RAPGEF5: variants seen among roughly 807,000 people sequenced by gnomAD.
RAPGEF5 encodes the protein M-Ras-regulated GEF.
Under a neutral mutation model 125.2 loss-of-function variants are expected in RAPGEF5, and 65 were observed. The observed-to-expected ratio is 0.52, with a 90% CI of 0.43 to 0.64. The LOEUF (loss-of-function observed/expected upper bound fraction) is 0.64. Ranked by LOEUF, RAPGEF5 falls within the 30% of genes least tolerant of loss-of-function variation. The pLI is 0.00. For synonymous variants in RAPGEF5, 391 were observed against 385.9 expected (o/e 1.01, Z -0.16); for missense variants, 958 against 1,048.1 (o/e 0.91, Z 1.19).
chr7:22,295,580 A>C (rs1265493057), intron 5 of RAPGEF5, among the ~76,000 whole-genome samples: 1 of 152,184 alleles, frequency 6.6e-6, no homozygotes, highest in African/African-American at 2.4e-5. Flanking sequence ...AAACAATGGA[A>C]ATTTTGAAGG....
intron 1 of RAPGEF5, among the ~76,000 whole-genome samples, chr7:22,337,615 T>C (rs557048244): frequency 5.6e-4 from 85 of 152,226 alleles, no homozygotes; most frequent in Non-Finnish European, 1.0e-3. Context: ...CAAAGTTAGC[T>C]TGGCCCACGG....
At chr7:22,290,531 G>A (rs1362374315) in intron 6 of RAPGEF5, among the ~76,000 whole-genome samples, 1 of 151,996 alleles carries the variant, frequency 6.6e-6, no homozygotes, top group Non-Finnish European at 1.5e-5. Context: ...GGATCACAAG[G>A]TCAGGAGATC....
chr7:22,225,413 A>C (rs1785895624), intron 8 of RAPGEF5, among the ~76,000 whole-genome samples: 1 of 152,186 alleles, frequency 6.6e-6, no homozygotes, highest in Admixed American at 6.6e-5. Context: ...AAGGTAATCA[A>C]TTCTATAGCA....
intron 11 of RAPGEF5, among the ~76,000 whole-genome samples, chr7:22,188,746 C>T (rs1477087736): frequency 7.4e-6 from 1 of 134,608 alleles, no homozygotes; most frequent in Non-Finnish European, 1.5e-5. Context: ...AGCCTGGTGA[C>T]AGAGTGAGAC....
chr7:22,167,112 A>G lies in RAPGEF5; in HGVS notation c.1241T>C (p.Val414Ala), dbSNP rs1423690373. Residue 414 changes from valine (V) to alanine (A), a missense_variant, in exon 12 of 26, where the codon GTC becomes GCC. Physicochemically the swap from Val to Ala is moderately conservative, Grantham distance 64 (BLOSUM62 0). Transcript: ENST00000665637. ...GCACAAGTCATCAGTTGTCATGAAG[A>G]CAGTGTACGTGAGAAGGAAGTCATC... ...LLDDFLLTYT[V>A]FMTTDDLCQA... is the part of the protein sequence containing the mutation. The G allele has an allele frequency of 6.2e-7, 1 of 1,613,370 alleles. No homozygotes were observed. The highest frequency in any genetic ancestry group is 1.3e-5 in the African/African-American group (1 of 75,018).
intron 7 of RAPGEF5, among the ~76,000 whole-genome samples, chr7:22,253,002 T>C (rs140329430): frequency 7.7e-4 from 117 of 152,138 alleles, no homozygotes; most frequent in Middle Eastern, 3.4e-3. Flanking sequence ...TGATCACTGC[T>C]CAACAAGAAC....
chr7:22,244,257 C>T (rs146604744), intron 7 of RAPGEF5, among the ~76,000 whole-genome samples: 94 of 152,094 alleles, frequency 6.2e-4, no homozygotes, highest in South Asian at 1.5e-3. Context: ...TGTTGATGGA[C>T]ACTTCCGTTG....
intron 5 of RAPGEF5, among the ~76,000 whole-genome samples, chr7:22,292,589 C>T (rs920371991): frequency 7.2e-5 from 11 of 152,210 alleles, no homozygotes; most frequent in African/African-American, 2.7e-4. Flanking sequence ...TTAAGATTCT[C>T]TATTCACAAG....
At chr7:22,230,413 G>C (rs1786028009) in intron 8 of RAPGEF5, among the ~76,000 whole-genome samples, 1 of 152,182 alleles carries the variant, frequency 6.6e-6, no homozygotes, top group South Asian at 2.1e-4. Flanking sequence ...TTAACAGCTG[G>C]CAGCACTAGG....
intron 7 of RAPGEF5, among the ~76,000 whole-genome samples, chr7:22,251,241 T>C (rs1273070697): frequency 2.6e-5 from 4 of 152,142 alleles, no homozygotes; most frequent in Admixed American, 6.6e-5. Context: ...AGTCACAGAA[T>C]TGTAAATTCT....
At chr7:22,261,691 T>C (rs1373445355) in intron 7 of RAPGEF5, among the ~76,000 whole-genome samples, 2 of 152,160 alleles carry the variant, frequency 1.3e-5, no homozygotes, top group African/African-American at 4.8e-5. Flanking sequence ...GTAATCAATA[T>C]TGTAGTATTG....
At chr7:22,193,669 G>A (rs987287685) in intron 10 of RAPGEF5, 6 of 1,550,618 alleles carry the variant, frequency 3.9e-6, no homozygotes, top group Admixed American at 2.0e-5. Context: ...CATTGTGAAC[G>A]GTTACTAACA....
intron 7 of RAPGEF5, among the ~76,000 whole-genome samples, chr7:22,257,627 C>A (rs150319654): frequency 1.3e-3 from 198 of 152,286 alleles, no homozygotes; most frequent in African/African-American, 4.4e-3. Context: ...TCCTTCACAT[C>A]CACACTCAAT....
rs1294201042 is a variant in RAPGEF5 at position 22,119,518 on chromosome 7, T to C, written c.*2888A>G. ...AATGTGTATGTAAAACAAAATTTTT[T>C]TTAATAGCAAGGTTGTGATTTTGCC... On this transcript the variant is annotated 3_prime_UTR_variant, in exon 26 of 26. Transcript: ENST00000665637. The surrounding 1 kb of genome is among the most constrained non-coding windows in gnomAD (Gnocchi z 4.1). 1 of 152,200 alleles carries C rather than the reference T, an allele frequency of 6.6e-6. No individual in the cohort carries two copies. Among genetic ancestry groups the C allele is most frequent in the Non-Finnish European group, 1.5e-5 (1 of 68,034 alleles). The allele number at this position is 152,200 out of a possible 1,614,324, so 9.4% of individuals were successfully genotyped here. A position where few individuals can be genotyped will look rare whatever the true frequency, so the allele number is the denominator to read the frequency against.
intron 8 of RAPGEF5, among the ~76,000 whole-genome samples, chr7:22,230,567 A>T (rs1786031907): frequency 6.6e-6 from 1 of 152,204 alleles, no homozygotes; most frequent in South Asian, 2.1e-4. Context: ...TGCCTTCTTC[A>T]GGGGAATGTC....
chr7:22,275,941 G>A (rs1443702314), intron 6 of RAPGEF5, among the ~76,000 whole-genome samples: 1 of 152,184 alleles, frequency 6.6e-6, no homozygotes, highest in Admixed American at 6.5e-5. Flanking sequence ...GAACTCAGAA[G>A]AACAAGCTAA....
intron 1 of RAPGEF5, among the ~76,000 whole-genome samples, chr7:22,342,840 C>T (rs1784154158): frequency 6.6e-6 from 1 of 152,190 alleles, no homozygotes; most frequent in Non-Finnish European, 1.5e-5. Flanking sequence ...GTATCTTGGG[C>T]AAAACCATTC....
intron 24 of RAPGEF5, among the ~76,000 whole-genome samples, chr7:22,130,327 A>G (rs1220617011): frequency 6.6e-6 from 1 of 152,174 alleles, no homozygotes; most frequent in Non-Finnish European, 1.5e-5. Context: ...GCAAGTCAGA[A>G]AGGCTTGGAG....
chr7:22,269,956 C>G (rs148467640), intron 6 of RAPGEF5, among the ~76,000 whole-genome samples: 2 of 152,112 alleles, frequency 1.3e-5, no homozygotes, highest in African/African-American at 4.8e-5. Flanking sequence ...TCTGAAAGGT[C>G]GAAAGGTTCT....
Sources: gnomAD v4.1 joint callset for allele counts (sites outside exome capture counted in the v4.1 genomes callset) on GRCh38, gnomAD v4.1.1 for gene constraint, Gnocchi (gnomAD v3.1) non-coding constraint, MANE v1.5 for transcripts, NCBI Gene and HGNC (gene_info 2026-07-23, HGNC 2026-07-21) for gene names.